ZFP90: variants seen among roughly 807,000 people sequenced by gnomAD.
The protein encoded by ZFP90 is ZFP90 zinc finger protein.
Under a neutral mutation model 60.8 loss-of-function variants are expected in ZFP90, and 38 were observed. That is an observed-to-expected ratio of 0.62 (90% CI 0.48 to 0.82). ZFP90 has a LOEUF of 0.82. ZFP90 is among the 40% of genes least tolerant of loss of function. ZFP90 has a pLI of 0.00. For missense variants in ZFP90, 711 were observed against 759.1 expected (o/e 0.94, Z 0.74); for synonymous variants, 287 against 264.8 (o/e 1.08, Z -0.82).
chr16:68,557,525 G>C (rs1276362186), intron 2 of ZFP90, among the ~76,000 whole-genome samples: 2 of 152,004 alleles, frequency 1.3e-5, no homozygotes, highest in African/African-American at 4.8e-5. Flanking sequence ...GTTGGGGTGT[G>C]AGTATGGTTA....
rs145942139 is a variant in ZFP90 at position 68,551,023 on chromosome 16, C to T, written c.34-6975C>T. On this transcript the variant is annotated intron_variant, in intron 2 of 4. Coordinates refer to ENST00000563169, the MANE Select transcript of ZFP90 (RefSeq NM_001305203.2). ...CATTGTTAGTTACACGGTCAACTAT[C>T]GGCTTGTTAAACTATGATCAATCTG... Among the ~76,000 whole-genome samples, 12 of 152,274 alleles carry T rather than the reference C, an allele frequency of 7.9e-5. No homozygotes were observed. In the East Asian group the frequency reaches 1.2e-3, roughly 15 times the overall value.
intron 2 of ZFP90, among the ~76,000 whole-genome samples, chr16:68,575,174 G>C (rs2091587750): frequency 2.0e-5 from 3 of 152,162 alleles, no homozygotes; most frequent in African/African-American, 7.2e-5. Flanking sequence ...CTTGGCCCTG[G>C]GCCTGCCACA....
At chr16:68,550,915 C>T (rs1472412002) in intron 2 of ZFP90, among the ~76,000 whole-genome samples, 1 of 152,178 alleles carries the variant, frequency 6.6e-6, no homozygotes, top group Non-Finnish European at 1.5e-5. Flanking sequence ...TCCAGGTTTC[C>T]AGTCTTCAAT....
Position 68,551,480 on chromosome 16 carries a change from A to G in ZFP90, c.34-6518A>G, listed in dbSNP as rs927263133. Among the ~76,000 whole-genome samples the G allele has an allele frequency of 2.2e-5, 3 of 137,332 alleles. No individual in the cohort carries two copies. The East Asian group carries it at 6.4e-4, about 29-fold the overall frequency. 90.1% of individuals were successfully genotyped at this position (137,332 alleles called of 152,430 possible). A position where few individuals can be genotyped will look rare whatever the true frequency, so the allele number is the denominator to read the frequency against. The stretch of plus-strand genomic sequence containing the variant: ...TCTGTTGCCCAGGCTGGAGTGCAGT[A>G]GCACAGTCTTGGCTTACTGCAAACT... On this transcript the variant is annotated intron_variant, in intron 2 of 4. Transcript: ENST00000563169.
chr16:68,551,548 A>G (rs2091262164), intron 2 of ZFP90, among the ~76,000 whole-genome samples: 1 of 149,066 alleles, frequency 6.7e-6, no homozygotes. Flanking sequence ...TCAGCCTCCC[A>G]AGTAGCTGGG....
chr16:68,548,123 G>A (rs936310055), intron 2 of ZFP90, among the ~76,000 whole-genome samples: 1 of 151,924 alleles, frequency 6.6e-6, no homozygotes, highest in Admixed American at 6.6e-5. Context: ...CACCGTGTCC[G>A]GCCCAGTTGA....
At chr16:68,567,257 A>G, downstream of ZFP90, 3 of 686,384 alleles carry the variant, frequency 4.4e-6, no homozygotes, top group Non-Finnish European at 5.4e-6. Flanking sequence ...CATTTATTGA[A>G]TGCTTACTAC....
At chr16:68,537,906 TCC>T (rs1306671028), upstream of ZFP90, among the ~76,000 whole-genome samples, 3 of 102,486 alleles carry the variant, frequency 2.9e-5, no homozygotes, top group East Asian at 3.1e-4. Context: ...GGAAATTTTC[TCC>T]CTTTTTTGTT....
At chr16:68,559,818 C>A (rs545390214) in intron 4 of ZFP90, among the ~76,000 whole-genome samples, 3 of 152,194 alleles carry the variant, frequency 2.0e-5, no homozygotes, top group African/African-American at 7.2e-5. Flanking sequence ...AGCAATCCAC[C>A]CACCTTGGCC....
chr16:68,575,923 C>T (rs966289956), exon 3 of ZFP90: 14 of 397,788 alleles, frequency 3.5e-5, no homozygotes, highest in South Asian at 1.3e-4. Flanking sequence ...TTCTCTGCCC[C>T]GTACAAGCCA....
chr16:68,556,257 A>G (rs1347274670), intron 2 of ZFP90, among the ~76,000 whole-genome samples: 3 of 152,170 alleles, frequency 2.0e-5, no homozygotes, highest in African/African-American at 7.2e-5. Flanking sequence ...GTGATTCTAG[A>G]CAATCAGCTC....
At position 68,563,096 on chromosome 16, in the gene ZFP90, A is replaced by G. The variant is rs1438763610; in HGVS notation, c.309A>G (p.Ser103=). 50 of 1,614,056 alleles carry G rather than the reference A, an allele frequency of 3.1e-5. 1 individual carries two copies. In the Admixed American group the frequency reaches 8.3e-4, roughly 27 times the overall value. The change falls in exon 5 of 5, where the codon TCA becomes TCG. Residue 103 remains serine, a synonymous_variant. Transcript: ENST00000563169. ...VKSSHLQQDV[S]EVSHCTHDLL... ...CATCACATTTGCAGCAGGATGTATC[A>G]GAAGTATCCCACTGCACACATGATC... is the stretch of plus-strand genomic sequence containing the variant.
At chr16:68,536,299 T>C (rs2090960214), upstream of ZFP90, among the ~76,000 whole-genome samples, 1 of 152,134 alleles carries the variant, frequency 6.6e-6, no homozygotes, top group Admixed American at 6.5e-5. Flanking sequence ...CTTACTCGTC[T>C]AAGGAATTCT....
At chr16:68,572,711 C>T (rs2091574490) in intron 2 of ZFP90, among the ~76,000 whole-genome samples, 1 of 152,214 alleles carries the variant, frequency 6.6e-6, no homozygotes, top group South Asian at 2.1e-4. Context: ...GGGAGCTTGG[C>T]ATCTCCATCT....
At chr16:68,548,435 A>T (rs1199388268) in intron 2 of ZFP90, among the ~76,000 whole-genome samples, 1 of 58,080 alleles carries the variant, frequency 1.7e-5, no homozygotes, top group African/African-American at 9.8e-5. Context: ...GCATTTCTTA[A>T]CACACTAGTG....
chr16:68,562,862 C>T (rs2091458037), intron 4 of ZFP90, 182 bp from the exon 5 acceptor site: 1 of 1,368,706 alleles, frequency 7.3e-7, no homozygotes, highest in Non-Finnish European at 9.9e-7. Context: ...TACTCTGAAT[C>T]TGCAGTCTTT....
downstream of ZFP90, among the ~76,000 whole-genome samples, chr16:68,569,338 T>C (rs1749786): frequency 0.77 from 116,567 of 151,752 alleles, 44,849 homozygotes; most frequent in East Asian, 0.82. Context: ...GGTTTCACCA[T>C]GTTGGTCAGG....
intron 1 of ZFP90, 65 bp downstream of exon 1, chr16:68,539,544 C>A (rs2090997436): frequency 2.0e-6 from 1 of 495,958 alleles, no homozygotes; most frequent in South Asian, 3.3e-5. Flanking sequence ...CGCCCACCAC[C>A]CTGCGAAGGG....
intron 2 of ZFP90, among the ~76,000 whole-genome samples, chr16:68,542,041 T>A (rs546986909): frequency 1.3e-5 from 2 of 152,278 alleles, no homozygotes; most frequent in East Asian, 3.9e-4. Flanking sequence ...TAAACGGGGC[T>A]TTTCAGGCAG....
Sources: allele counts gnomAD v4.1 joint callset (sites outside exome capture counted in the v4.1 genomes callset), GRCh38; gene constraint gnomAD v4.1.1; transcripts MANE v1.5; gene names NCBI Gene and HGNC (gene_info 2026-07-23, HGNC 2026-07-21).